The following TMEM242 variants were observed in gnomAD, a reference collection of about 807,000 sequenced individuals.
TMEM242 encodes the protein UPF0463 transmembrane protein C6orf35.
In TMEM242, 10 loss-of-function variants were observed where a neutral mutation model predicts 18.2. That is an observed-to-expected ratio of 0.55 (90% CI 0.34 to 0.93). The LOEUF (loss-of-function observed/expected upper bound fraction) is 0.93, where lower values mean the gene tolerates loss of function less well. Among genes scored for constraint, TMEM242 ranks in the 40% least tolerant of loss-of-function variants. TMEM242 has a pLI of 0.02. For missense variants in TMEM242, 186 were observed against 175.5 expected (o/e 1.06, Z -0.34); for synonymous variants, 57 against 69.9 (o/e 0.81, Z 0.92).
At chr6:157,300,871 TCTTAAAAGTC>T (rs1777820961) in intron 3 of TMEM242, among the ~76,000 whole-genome samples, 1 of 152,222 alleles carries the variant, frequency 6.6e-6, no homozygotes, top group South Asian at 2.1e-4. Flanking sequence ...TGAGGATATC[TCTTAAAAGTC>T]CTTAAAATGG....
chr6:157,299,981 T>C, intron 3 of TMEM242: 1 of 1,439,352 alleles, frequency 6.9e-7, no homozygotes, highest in South Asian at 1.1e-5. Context: ...AGTGAAGCGC[T>C]CAACAAGCTC....
chr6:157,312,448 C>CTTA (rs1554249264), intron 3 of TMEM242, among the ~76,000 whole-genome samples: 3 of 33,762 alleles, frequency 8.9e-5, no homozygotes, highest in South Asian at 7.4e-4. Flanking sequence ...CTCACCGAGC[C>CTTA]TCATAGTGCC....
At chr6:157,313,376 C>G (rs1778266030) in intron 3 of TMEM242, among the ~76,000 whole-genome samples, 1 of 143,356 alleles carries the variant, frequency 7.0e-6, no homozygotes, top group African/African-American at 2.6e-5. Flanking sequence ...ATCATAGTGC[C>G]TCAGTGTACG....
At position 157,290,335 on chromosome 6, in the gene TMEM242, A is replaced by T. The variant is rs587749468; in HGVS notation, c.*2566T>A. On this transcript the variant is annotated 3_prime_UTR_variant, in exon 4 of 4. Transcript: ENST00000400788. ...TCAGCCTCCATGAAATGGATTGCTT[A>T]TAGGGAGATAATGTCTGTTCTATTC... 151 of 152,342 alleles carry T rather than the reference A, an allele frequency of 9.9e-4. No individual in the cohort carries two copies. The highest frequency in any genetic ancestry group is 3.5e-3 in the African/African-American group (146 of 41,580). 9.4% of individuals were successfully genotyped at this position (152,342 alleles called of 1,614,324 possible).
At position 157,292,734 on chromosome 6, in the gene TMEM242, A is replaced by G; in HGVS notation, c.*167T>C. 2 of 481,034 alleles carry G rather than the reference A, an allele frequency of 4.2e-6. No individual in the cohort carries two copies. Among genetic ancestry groups the G allele is most frequent in the Non-Finnish European group, 7.4e-6 (2 of 271,074 alleles). 29.8% of individuals were successfully genotyped at this position (481,034 alleles called of 1,614,324 possible). A position where few individuals can be genotyped will look rare whatever the true frequency, so the allele number is the denominator to read the frequency against. On this transcript the variant is annotated 3_prime_UTR_variant, in exon 4 of 4. Coordinates refer to ENST00000400788, the MANE Select transcript of TMEM242 (RefSeq NM_018452.6). ...AAAACTTTACCCTCCCCCAGCACGC[A>G]CACACATACTCTCCTGTGATGAGGC...
At chr6:157,322,874 A>G (rs1174815333) in intron 1 of TMEM242, 69 bp from the exon 2 acceptor site, 1 of 1,359,796 alleles carries the variant, frequency 7.4e-7, no homozygotes, top group African/African-American at 1.5e-5. Flanking sequence ...AAAAAGATGT[A>G]CAAAAGTAAG....
In TMEM242 at chr6:157,314,714, CAT is replaced by C. The variant is rs1479946474; in HGVS notation, c.327+4066_327+4067del. 1.1e-4 allele frequency among the ~76,000 whole-genome samples: 16 copies of C among 152,320 alleles called. 1 individual carries two copies. The highest frequency in any genetic ancestry group is 3.3e-4 in the Admixed American group (5 of 15,298). The stretch of plus-strand genomic sequence containing the variant: ...ATGATATAACAGTGTGTAAAATACA[CAT>C]GTGTTTATATTTAATGTTATTATAT... On this transcript the variant is annotated intron_variant, in intron 3 of 3. Coordinates refer to ENST00000400788, the MANE Select transcript of TMEM242 (RefSeq NM_018452.6).
chr6:157,321,714 C>T (rs587705364), intron 2 of TMEM242, among the ~76,000 whole-genome samples: 3 of 152,274 alleles, frequency 2.0e-5, no homozygotes, highest in East Asian at 3.9e-4. Flanking sequence ...TGTGTACGTG[C>T]GCTCTTCAGC....
intron 2 of TMEM242, among the ~76,000 whole-genome samples, chr6:157,322,439 G>C (rs2128418186): frequency 6.6e-6 from 1 of 152,268 alleles, no homozygotes; most frequent in South Asian, 2.1e-4. Context: ...CCCAAATTTA[G>C]ATTCAAAGTC....
chr6:157,307,621 A>G (rs1462508777), intron 3 of TMEM242, among the ~76,000 whole-genome samples: 1 of 152,132 alleles, frequency 6.6e-6, no homozygotes, highest in East Asian at 1.9e-4. Context: ...TGTTAAACCT[A>G]TTAGAGCTGC....
At chr6:157,309,722 A>T (rs1554248159) in intron 3 of TMEM242, among the ~76,000 whole-genome samples, 1 of 152,092 alleles carries the variant, frequency 6.6e-6, no homozygotes, top group East Asian at 1.9e-4. Context: ...CAAAGGGGTA[A>T]AAAAACAAAT....
At chr6:157,302,903 G>T (rs1438710368) in intron 3 of TMEM242, among the ~76,000 whole-genome samples, 1 of 152,236 alleles carries the variant, frequency 6.6e-6, no homozygotes, top group Non-Finnish European at 1.5e-5. Flanking sequence ...CCTGGGCCAA[G>T]AATGGCTGCC....
chr6:157,299,393 A>T (rs1777795413), intron 3 of TMEM242: 1 of 1,233,588 alleles, frequency 8.1e-7, no homozygotes, highest in South Asian at 1.2e-5. Context: ...GACACCAGCT[A>T]TGTTCACTCC....
At chr6:157,313,135 T>C (rs1778246771) in intron 3 of TMEM242, among the ~76,000 whole-genome samples, 2 of 150,058 alleles carry the variant, frequency 1.3e-5, no homozygotes, top group South Asian at 4.2e-4. Context: ...CTCATCATAG[T>C]GTCCCAGTGT....
chr6:157,322,262 C>G (rs990151777), intron 2 of TMEM242, among the ~76,000 whole-genome samples: 2 of 152,192 alleles, frequency 1.3e-5, no homozygotes, highest in African/African-American at 2.4e-5. Context: ...TCCCGAGTAG[C>G]TAGGACTACA....
intron 3 of TMEM242, among the ~76,000 whole-genome samples, chr6:157,302,147 G>A (rs141546054): frequency 0.027 from 4,115 of 152,270 alleles, 377 homozygotes; most frequent in East Asian, 0.24. Context: ...AATCCTCTTA[G>A]CACTGGTGGT....
chr6:157,310,338 T>C (rs190061653), intron 3 of TMEM242, among the ~76,000 whole-genome samples: 2 of 4,842 alleles, frequency 4.1e-4, no homozygotes, highest in East Asian at 5.3e-3. Flanking sequence ...AAACTATCTG[T>C]CTTGATAAAA....
At position 157,291,783 on chromosome 6, in the gene TMEM242, T is replaced by A. The variant is rs1029720646; in HGVS notation, c.*1118A>T. 2 of 152,214 alleles carry A rather than the reference T, an allele frequency of 1.3e-5. 1 individual carries two copies. The highest frequency in any genetic ancestry group is 4.1e-4 in the South Asian group (2 of 4,834). The allele number at this position is 152,214 out of a possible 1,614,324, so 9.4% of individuals were successfully genotyped here. Reference sequence around the variant, plus strand: ...GTTTCATGATAACAGAAATTTCAAATGTCCTTTATTAAACCTGATTGCTGA... The same window carrying A: ...GTTTCATGATAACAGAAATTTCAAAAGTCCTTTATTAAACCTGATTGCTGA... On this transcript the variant is annotated 3_prime_UTR_variant, in exon 4 of 4. Transcript: ENST00000400788.
chr6:157,310,661 C>A (rs1554248378), intron 3 of TMEM242, among the ~76,000 whole-genome samples: 3 of 149,442 alleles, frequency 2.0e-5, no homozygotes, highest in Admixed American at 1.3e-4. Context: ...CACCCGGCCT[C>A]ATCATAGTGT....
Sources: gnomAD v4.1 joint callset for allele counts (sites outside exome capture counted in the v4.1 genomes callset) on GRCh38, gnomAD v4.1.1 for gene constraint, MANE v1.5 for transcripts, NCBI Gene and HGNC (gene_info 2026-07-23, HGNC 2026-07-21) for gene names.